Variants in RPS8 observed in about 807,000 individuals in gnomAD.
RPS8 encodes the protein small ribosomal subunit protein eS8.
For synonymous variants in RPS8, 100 were observed against 100.7 expected (o/e 0.99, Z 0.04); for missense variants, 141 against 269.7 (o/e 0.52, Z 3.34).
At chr1:44,775,938 C>A in intron 1 of RPS8, 96 bp from the exon 2 acceptor site, 1 of 1,137,430 alleles carries the variant, frequency 8.8e-7, no homozygotes, top group Non-Finnish European at 1.3e-6. Context: ...GAGAGCTGAG[C>A]GTGCGACCGG....
chr1:44,775,640 G>A (rs781466539), intron 1 of RPS8, 40 bp downstream of exon 1: 2 of 1,613,690 alleles, frequency 1.2e-6, no homozygotes, highest in Admixed American at 3.3e-5. Flanking sequence ...AAGGGAGGTT[G>A]AGCTCAATCA....
Position 44,778,001 on chromosome 1 carries a change from C to T in RPS8, c.389C>T (p.Thr130Ile). 6.2e-7 allele frequency: 1 copy of T among 1,613,628 alleles called. No homozygotes were observed. The highest frequency in any genetic ancestry group is 8.5e-7 in the Non-Finnish European group (1 of 1,179,902). The change falls in exon 5 of 6, where the codon ACT (threonine) becomes ATT (isoleucine). Residue 130 changes from threonine (T) to isoleucine (I), a missense_variant and splice_region_variant. Transcript: ENST00000396651. Reference sequence around the variant, plus strand: ...CATATATTTGTATCCCCTTTTCAGACTCCTGAGGAAGAAGAGATTTTAAAC... The same window carrying T: ...CATATATTTGTATCCCCTTTTCAGATTCCTGAGGAAGAAGAGATTTTAAAC... ...PLGRKKGAKL[T>I]PEEEEILNKK...
intron 3 of RPS8, chr1:44,777,001 C>A: frequency 2.2e-6 from 1 of 453,886 alleles, no homozygotes; most frequent in Non-Finnish European, 3.9e-6. Flanking sequence ...GTGGCTTAGA[C>A]CAAGGCATTT....
chr1:44,777,446 A>C, intron 3 of RPS8, 168 bp from the exon 4 acceptor site: 1 of 624,378 alleles, frequency 1.6e-6, no homozygotes, highest in East Asian at 2.8e-5. Flanking sequence ...ACATAACTAG[A>C]AACGTGGGTT....
Position 44,776,121 on chromosome 1 carries a change from G to A in RPS8, c.92G>A (p.Arg31His). The part of the protein sequence containing the change: ...YHKKRKYELG[R>H]PAANTKIGPR... Reference sequence around the variant, plus strand: ...AAGAAGCGGAAGTATGAGTTGGGGCGCCCAGCTGCCAACACCAAGGTGGGT... The same window carrying A: ...AAGAAGCGGAAGTATGAGTTGGGGCACCCAGCTGCCAACACCAAGGTGGGT... The change falls in exon 2 of 6, where the codon CGC becomes CAC. Residue 31 changes from arginine to histidine, a missense_variant. Physicochemically the swap from Arg to His is conservative, Grantham distance 29 (BLOSUM62 0). Transcript: ENST00000396651. 4 of 1,603,816 alleles carry A rather than the reference G, an allele frequency of 2.5e-6. No individual in the cohort carries two copies. In the South Asian group the frequency reaches 4.4e-5, roughly 18 times the overall value.
intron 3 of RPS8, 39 bp from the exon 4 acceptor site, chr1:44,777,575 C>A: frequency 6.4e-7 from 1 of 1,567,982 alleles, no homozygotes; most frequent in Non-Finnish European, 8.7e-7. Flanking sequence ...GGCCATTTGT[C>A]CTCCAGTTTA....
In RPS8 at chr1:44,778,126, C is replaced by T. The variant is rs1336042355; in HGVS notation, c.514C>T (p.Leu172Phe). 1.9e-6 allele frequency: 3 copies of T among 1,593,682 alleles called. No individual in the cohort carries two copies. The highest frequency in any genetic ancestry group is 1.8e-5 in the Admixed American group (1 of 54,750). ...GGAGCAGTTCCAGCAGGGCAAGCTT[C>T]TTGGTGAGAAGGCTGTTGTGTTGGA... ...LEEQFQQGKL[L>F]ACIASRPGQC... The change falls in exon 5 of 6, where the codon CTT becomes TTT. Residue 172 changes from leucine (L) to phenylalanine (F), a missense_variant. By Grantham distance (22) the Leu-to-Phe change is conservative. Coordinates refer to ENST00000396651, the MANE Select transcript of RPS8 (RefSeq NM_001012.2).
intron 4 of RPS8, 96 bp from the exon 5 acceptor site, chr1:44,777,904 G>C (rs749089027): frequency 6.3e-7 from 1 of 1,582,758 alleles, no homozygotes; most frequent in Non-Finnish European, 8.7e-7. Context: ...AGCCTTTTAG[G>C]CTGAGGAAGG....
intron 2 of RPS8, 95 bp from the exon 3 acceptor site, chr1:44,776,580 T>TA (rs781497057): frequency 2.0e-6 from 2 of 1,017,304 alleles, no homozygotes; most frequent in Admixed American, 3.4e-5. Flanking sequence ...TTGTCATAGT[T>TA]ACACTGACTG....
chr1:44,775,797 C>T (rs1341072457), intron 1 of RPS8, 197 bp downstream of exon 1: 3 of 841,754 alleles, frequency 3.6e-6, no homozygotes, highest in Admixed American at 2.4e-5. Flanking sequence ...GGTTCCGGGC[C>T]GCGGGCTGCG....
In RPS8 at chr1:44,777,114, A is replaced by G. The variant is rs79455294; in HGVS notation, c.211+340A>G. 708 of 231,400 alleles carry G rather than the reference A, an allele frequency of 3.1e-3. 4 individuals are homozygous for G. Among genetic ancestry groups the G allele is most frequent in the African/African-American group, 0.014 (623 of 43,068 alleles). The allele number at this position is 231,400 out of a possible 1,614,324, so 14.3% of individuals were successfully genotyped here. ...TTTTGAGATTGGGTCTCTGTTGCTC[A>G]GGCTGGAGTGCCAGTGGCGTGATCT... On this transcript the variant is annotated intron_variant, in intron 3 of 5. Coordinates refer to ENST00000396651, the MANE Select transcript of RPS8 (RefSeq NM_001012.2).
At chr1:44,776,873 G>T in intron 3 of RPS8, 99 bp downstream of exon 3, 1 of 862,090 alleles carries the variant, frequency 1.2e-6, no homozygotes. Context: ...TATAAGCCCA[G>T]CACGTTGGGA....
At position 44,776,079 on chromosome 1, in the gene RPS8, A is replaced by G; in HGVS notation, c.50A>G (p.Lys17Arg). 2 of 1,611,376 alleles carry G rather than the reference A, an allele frequency of 1.2e-6. No individual in the cohort carries two copies. The highest frequency in any genetic ancestry group is 8.5e-7 in the Non-Finnish European group (1 of 1,179,322). The change falls in exon 2 of 6, where the codon AAG becomes AGG. Residue 17 changes from lysine to arginine, a missense_variant. By Grantham distance (26) the Lys-to-Arg change is conservative. Transcript: ENST00000396651. ...NWHKRRKTGG[K>R]RKPYHKKRKY... The stretch of plus-strand genomic sequence containing the variant: ...CACAAGCGCCGCAAAACCGGGGGCA[A>G]GAGAAAGCCCTACCACAAGAAGCGG...
chr1:44,778,261 C>A, intron 5 of RPS8, 132 bp downstream of exon 5: 1 of 1,155,620 alleles, frequency 8.7e-7, no homozygotes, highest in Non-Finnish European at 1.3e-6. Context: ...GCTGCGAGCA[C>A]AAAGGGGAAC....
At chr1:44,776,633 C>T (rs373290917) in intron 2 of RPS8, 42 bp from the exon 3 acceptor site, 3 of 1,562,966 alleles carry the variant, frequency 1.9e-6, no homozygotes, top group South Asian at 2.2e-5. Context: ...ACTTGCCTTG[C>T]TCTCCTTGGT....
intron 2 of RPS8, among the ~76,000 whole-genome samples, 181 bp downstream of exon 2, chr1:44,776,321 C>G (rs1281283290): frequency 1.3e-5 from 2 of 152,174 alleles, no homozygotes; most frequent in African/African-American, 4.8e-5. Flanking sequence ...AGGGAATGCT[C>G]CCTCAGGCCC....
Position 44,778,718 on chromosome 1 carries a change from G to A in RPS8, c.*33G>A, listed in dbSNP as rs1190233180. On this transcript the variant is annotated 3_prime_UTR_variant, in exon 6 of 6. Transcript: ENST00000396651. ...TTTTGTCTTCACCCATGTAATAAAG[G>A]TGTTTATTGTTTTGTTCCCACATTT... 7.1e-7 allele frequency: 1 copy of A among 1,403,500 alleles called. No individual in the cohort carries two copies. Among genetic ancestry groups the A allele is most frequent in the Non-Finnish European group, 9.9e-7 (1 of 1,008,056 alleles). 86.9% of individuals were successfully genotyped at this position (1,403,500 alleles called of 1,614,324 possible).
Position 44,776,790 on chromosome 1 carries a change from T to G in RPS8, c.211+16T>G, listed in dbSNP as rs1306272388. On this transcript the variant is annotated intron_variant, in intron 3 of 5. Transcript: ENST00000396651. ...GGCTCAGAGTGTGAGTGAGGCCCTT[T>G]GGGAGTGGGTGGGAAAACGCACCTA... 1 of 1,557,364 alleles carries G rather than the reference T, an allele frequency of 6.4e-7. No individual in the cohort carries two copies. Among genetic ancestry groups the G allele is most frequent in the South Asian group, 1.1e-5 (1 of 87,192 alleles).
chr1:44,778,241 C>G lies in RPS8; in HGVS notation c.517+112C>G, dbSNP rs1449667194. 7 of 1,341,888 alleles carry G rather than the reference C, an allele frequency of 5.2e-6. No homozygotes were observed. In the Admixed American group the frequency reaches 7.0e-5, roughly 14 times the overall value. The allele number at this position is 1,341,888 out of a possible 1,614,324, so 83.1% of individuals were successfully genotyped here. On this transcript the variant is annotated intron_variant, in intron 5 of 5. Transcript: ENST00000396651. Reference sequence around the variant, plus strand: ...CCAGCCATGCAGTCTAAAGGGTTCACTGATAACAGGCTGCGAGCACAAAGG... The same window carrying G: ...CCAGCCATGCAGTCTAAAGGGTTCAGTGATAACAGGCTGCGAGCACAAAGG...
Sources: gnomAD v4.1 joint callset for allele counts (sites outside exome capture counted in the v4.1 genomes callset) on GRCh38, gnomAD v4.1.1 for gene constraint, MANE v1.5 for transcripts, NCBI Gene and HGNC (gene_info 2026-07-23, HGNC 2026-07-21) for gene names.